The following COL13A1 variants were observed in gnomAD, a reference collection of about 807,000 sequenced individuals.
COL13A1 encodes collagen type XIII alpha 1 chain.
COL13A1 carries 89 observed loss-of-function variants against 130.9 expected under a neutral mutation model. That is an observed-to-expected ratio of 0.68 (90% CI 0.57 to 0.81). The LOEUF (loss-of-function observed/expected upper bound fraction) is 0.81. COL13A1 is among the 30% of genes least tolerant of loss of function. The pLI, the probability that COL13A1 is intolerant of heterozygous loss-of-function variation, is 0.00. For synonymous variants in COL13A1, 402 were observed against 341.6 expected (o/e 1.18, Z -1.95); for missense variants, 879 against 934.6 (o/e 0.94, Z 0.78).
intron 1 of COL13A1, among the ~76,000 whole-genome samples, chr10:69,813,835 TG>T (rs1843701678): frequency 6.6e-6 from 1 of 152,198 alleles, no homozygotes. Context: ...GTCCCTGGGA[TG>T]TAGCCCATGG....
intron 2 of COL13A1, chr10:69,829,199 A>T: frequency 1.8e-5 from 18 of 984,508 alleles, no homozygotes; most frequent in Non-Finnish European, 2.2e-5. Context: ...CACTCTGTCA[A>T]TTTCCTCCAC....
intron 25 of COL13A1, 36 bp downstream of exon 25, chr10:69,925,043 G>A (rs201059119): frequency 1.3e-6 from 2 of 1,506,822 alleles, no homozygotes; most frequent in African/African-American, 1.4e-5. Context: ...ACAGCGTGAA[G>A]CGGCTGGTAA....
At chr10:69,820,732 C>CAA (rs1845851910) in intron 1 of COL13A1, among the ~76,000 whole-genome samples, 1 of 152,124 alleles carries the variant, frequency 6.6e-6, no homozygotes, top group Admixed American at 6.5e-5. Flanking sequence ...TTGATCTCGG[C>CAA]CCCCTTCTGC....
At chr10:69,927,610 C>T (rs1227780) in intron 27 of COL13A1, among the ~76,000 whole-genome samples, 101,782 of 152,014 alleles carry the variant, frequency 0.67, 34,250 homozygotes, top group African/African-American at 0.71. Flanking sequence ...GTGACAGGCT[C>T]TTGGTAAATA....
intron 4 of COL13A1, among the ~76,000 whole-genome samples, chr10:69,873,495 G>A (rs556320485): frequency 6.6e-6 from 1 of 152,256 alleles, no homozygotes; most frequent in Non-Finnish European, 1.5e-5. Flanking sequence ...AAGCATTTAG[G>A]GGGCAATTGA....
chr10:69,886,684 A>T (rs1035663167), intron 7 of COL13A1, among the ~76,000 whole-genome samples: 1 of 152,108 alleles, frequency 6.6e-6, no homozygotes, highest in African/African-American at 2.4e-5. Flanking sequence ...ATCACCCCTG[A>T]CCACCTGGCC....
intron 1 of COL13A1, among the ~76,000 whole-genome samples, chr10:69,810,233 G>T (rs1330356030): frequency 6.6e-6 from 1 of 152,118 alleles, no homozygotes; most frequent in Non-Finnish European, 1.5e-5. Flanking sequence ...AACACGCCAG[G>T]CCAATTGTTC....
chr10:69,901,458 T>G (rs762516379), intron 14 of COL13A1, among the ~76,000 whole-genome samples: 1 of 152,238 alleles, frequency 6.6e-6, no homozygotes, highest in Non-Finnish European at 1.5e-5. Context: ...GCAAGCATCA[T>G]CAGCTGCCTT....
At chr10:69,843,659 G>A (rs187076932) in intron 2 of COL13A1, among the ~76,000 whole-genome samples, 11 of 152,274 alleles carry the variant, frequency 7.2e-5, no homozygotes, top group Admixed American at 2.0e-4. Context: ...TCTATGGATC[G>A]TGGTGAGGAT....
intron 2 of COL13A1, among the ~76,000 whole-genome samples, chr10:69,849,296 G>A (rs957223259): frequency 5.9e-5 from 9 of 152,030 alleles, no homozygotes; most frequent in African/African-American, 7.2e-5. Flanking sequence ...GGGCCTGGGG[G>A]CTGTCATAGA....
chr10:69,881,311 C>A (rs1346288681), intron 7 of COL13A1, among the ~76,000 whole-genome samples: 1 of 151,904 alleles, frequency 6.6e-6, no homozygotes, highest in Non-Finnish European at 1.5e-5. Context: ...AGCGCCCTCC[C>A]GTGTAGAGGC....
chr10:69,913,460 C>T (rs1042191337), intron 17 of COL13A1, among the ~76,000 whole-genome samples: 1 of 152,178 alleles, frequency 6.6e-6, no homozygotes, highest in African/African-American at 2.4e-5. Context: ...TACTAATACA[C>T]TTTTTAAATA....
At chr10:69,858,950 C>T (rs890420246) in intron 2 of COL13A1, among the ~76,000 whole-genome samples, 4 of 152,318 alleles carry the variant, frequency 2.6e-5, no homozygotes, top group Admixed American at 6.5e-5. Context: ...ACCTGCAAAA[C>T]GGCGCATAAT....
Position 69,936,116 on chromosome 10 carries a change from GGAAGGAAGGAAA to G in COL13A1, c.1771-628_1771-617del, listed in dbSNP as rs763910903. The stretch of plus-strand genomic sequence containing the variant: ...AGGAGGGAAGGGAGGAAGGAAGGAA[GGAAGGAAGGAAA>G]GAAGGAAGGAAGGAAGGAAGGAAGG... On this transcript the variant is annotated intron_variant, in intron 32 of 40. Coordinates refer to ENST00000645393, the MANE Select transcript of COL13A1 (RefSeq NM_001368882.1). Among the ~76,000 whole-genome samples, 349 of 82,386 alleles carry G rather than the reference GGAAGGAAGGAAA, an allele frequency of 4.2e-3. 21 individuals are homozygous for G. The highest frequency in any genetic ancestry group is 0.018 in the African/African-American group (322 of 18,196). The allele number at this position is 82,386 out of a possible 152,430, so 54.0% of individuals were successfully genotyped here. A position where few individuals can be genotyped will look rare whatever the true frequency, so the allele number is the denominator to read the frequency against.
intron 15 of COL13A1, 111 bp downstream of exon 15, chr10:69,902,966 G>C: frequency 1.3e-6 from 1 of 795,534 alleles, no homozygotes; most frequent in Non-Finnish European, 1.9e-6. Flanking sequence ...TGCCTTGGCA[G>C]GGCCATTGGA....
intron 13 of COL13A1, among the ~76,000 whole-genome samples, chr10:69,897,816 A>G (rs1201654351): frequency 6.6e-6 from 1 of 152,220 alleles, no homozygotes; most frequent in Non-Finnish European, 1.5e-5. Context: ...ATGACAGTAT[A>G]TGCCATCTTT....
intron 19 of COL13A1, 51 bp downstream of exon 19, chr10:69,918,368 G>A: frequency 1.3e-6 from 2 of 1,585,150 alleles, no homozygotes; most frequent in Non-Finnish European, 1.7e-6. Context: ...GGAGAGAAGA[G>A]AGCGGGCAGA....
chr10:69,898,775 C>G lies in COL13A1; in HGVS notation c.750+13C>G. On this transcript the variant is annotated intron_variant, in intron 14 of 40. Coordinates refer to ENST00000645393, the MANE Select transcript of COL13A1 (RefSeq NM_001368882.1). ...GCGGACGTTCCAGGTAGACACCTCC[C>G]GTTTGTCCAGACCATGTGTGGTTTC... The G allele has an allele frequency of 1.2e-6, 2 of 1,608,062 alleles. No homozygotes were observed. The highest frequency in any genetic ancestry group is 1.7e-6 in the Non-Finnish European group (2 of 1,176,218).
chr10:69,926,016 C>G (rs768841770), intron 26 of COL13A1, 144 bp downstream of exon 26: 1 of 661,736 alleles, frequency 1.5e-6, no homozygotes, highest in Non-Finnish European at 2.6e-6. Flanking sequence ...GCTGCTTCCT[C>G]GCTTTCTCTC....
Sources: allele counts gnomAD v4.1 joint callset (sites outside exome capture counted in the v4.1 genomes callset), GRCh38; gene constraint gnomAD v4.1.1; transcripts MANE v1.5; gene names NCBI Gene and HGNC (gene_info 2026-07-23, HGNC 2026-07-21).